ERC2: variants seen among roughly 807,000 people sequenced by gnomAD.
ERC2 encodes the protein ERC protein 2.
A neutral mutation model predicts 114.8 loss-of-function variants in ERC2; 42 were observed. The observed-to-expected ratio is 0.37, with a 90% CI of 0.29 to 0.47. The LOEUF is 0.47. Ranked by LOEUF, ERC2 falls within the 20% of genes least tolerant of loss-of-function variation. The pLI is 0.99. For synonymous variants in ERC2, 454 were observed against 425.5 expected (o/e 1.07, Z -0.82); for missense variants, 939 against 1,150.7 (o/e 0.82, Z 2.66).
intron 7 of ERC2, among the ~76,000 whole-genome samples, chr3:56,034,365 C>G (rs998616609): frequency 1.3e-5 from 2 of 151,924 alleles, no homozygotes; most frequent in African/African-American, 4.8e-5. Context: ...AAGGTAGAAA[C>G]AGACAGCAAT....
chr3:56,230,109 G>T (rs867578451), intron 3 of ERC2, among the ~76,000 whole-genome samples: 7 of 151,856 alleles, frequency 4.6e-5, no homozygotes, highest in Non-Finnish European at 8.8e-5. Context: ...CAGATAATCC[G>T]CCAGCCTCGG....
At chr3:56,285,129 CT>C (rs1190646994) in intron 3 of ERC2, among the ~76,000 whole-genome samples, 2 of 140,878 alleles carry the variant, frequency 1.4e-5, no homozygotes, top group Non-Finnish European at 3.1e-5. Flanking sequence ...AGCACATCTG[CT>C]TTCTAGTTAA....
At chr3:56,291,200 T>A (rs369020853) in intron 3 of ERC2, among the ~76,000 whole-genome samples, 16 of 152,358 alleles carry the variant, frequency 1.1e-4, no homozygotes, top group Non-Finnish European at 2.1e-4. Flanking sequence ...TGGAACAATA[T>A]GTTCTTTGCA....
chr3:56,433,064 G>A (rs2061861516), intron 2 of ERC2, among the ~76,000 whole-genome samples: 1 of 151,968 alleles, frequency 6.6e-6, no homozygotes, highest in Non-Finnish European at 1.5e-5. Context: ...CGTAGTCCCA[G>A]CTACTCAGAA....
intron 14 of ERC2, among the ~76,000 whole-genome samples, chr3:55,871,521 T>C (rs1301844290): frequency 6.6e-6 from 1 of 152,008 alleles, no homozygotes; most frequent in Non-Finnish European, 1.5e-5. Flanking sequence ...ATGTGACCAA[T>C]GATCAGTTCA....
chr3:55,722,490 C>T (rs2064631241), intron 15 of ERC2, among the ~76,000 whole-genome samples: 1 of 152,168 alleles, frequency 6.6e-6, no homozygotes, highest in Admixed American at 6.5e-5. Flanking sequence ...AATCAGCTCC[C>T]CAAATCCCTC....
chr3:55,960,653 T>C (rs183031764), intron 12 of ERC2, among the ~76,000 whole-genome samples: 2 of 152,308 alleles, frequency 1.3e-5, no homozygotes, highest in Non-Finnish European at 2.9e-5. Context: ...GGATATTCAC[T>C]GGAGTGAAGT....
At chr3:56,461,568 T>C (rs904469850) in intron 1 of ERC2, among the ~76,000 whole-genome samples, 1 of 152,198 alleles carries the variant, frequency 6.6e-6, no homozygotes, top group Non-Finnish European at 1.5e-5. Flanking sequence ...AAAGTGGCTA[T>C]GGGGAACATT....
At chr3:56,178,475 A>C (rs1212073973) in intron 3 of ERC2, among the ~76,000 whole-genome samples, 1 of 152,088 alleles carries the variant, frequency 6.6e-6, no homozygotes, top group African/African-American at 2.4e-5. Flanking sequence ...CTATAGCACC[A>C]CTTCTGTCAT....
intron 6 of ERC2, among the ~76,000 whole-genome samples, chr3:56,115,850 A>AC (rs2079200607): frequency 6.6e-6 from 1 of 151,806 alleles, no homozygotes. Flanking sequence ...CCCTCACCCT[A>AC]CCACCTCCTG....
intron 15 of ERC2, among the ~76,000 whole-genome samples, chr3:55,725,650 T>G (rs2064866448): frequency 6.6e-6 from 1 of 152,208 alleles, no homozygotes; most frequent in Non-Finnish European, 1.5e-5. Context: ...AAGTGCTCCA[T>G]GCATGTTTAG....
At chr3:56,013,883 T>A (rs190697504) in intron 8 of ERC2, among the ~76,000 whole-genome samples, 2 of 152,280 alleles carry the variant, frequency 1.3e-5, no homozygotes, top group African/African-American at 4.8e-5. Context: ...ACCTCCTAGA[T>A]GATAAGATTA....
chr3:55,935,296 C>T lies in ERC2; in HGVS notation c.2403+15129G>A, dbSNP rs571673852. Among the ~76,000 whole-genome samples the T allele has an allele frequency of 8.5e-5, 13 of 152,286 alleles. No homozygotes were observed. The South Asian group carries it at 2.7e-3, about 32-fold the overall frequency. Reference sequence around the variant, plus strand: ...TAGTCGCCATGCTGGGAAGTGAATACCAGTTCCACGGGGTGATAGCTGAGA... The same window carrying T: ...TAGTCGCCATGCTGGGAAGTGAATATCAGTTCCACGGGGTGATAGCTGAGA... On this transcript the variant is annotated intron_variant, in intron 13 of 17. Coordinates refer to ENST00000288221, the MANE Select transcript of ERC2 (RefSeq NM_015576.3).
chr3:55,646,626 A>G (rs2060410894), intron 17 of ERC2, among the ~76,000 whole-genome samples: 1 of 152,198 alleles, frequency 6.6e-6, no homozygotes, highest in Non-Finnish European at 1.5e-5. Flanking sequence ...GGCATTTTGT[A>G]TGCACAATCT....
At chr3:56,317,651 T>C (rs2056930170) in intron 2 of ERC2, among the ~76,000 whole-genome samples, 1 of 152,214 alleles carries the variant, frequency 6.6e-6, no homozygotes, top group Non-Finnish European at 1.5e-5. Context: ...AAAATATTTA[T>C]TGAACACCCC....
At chr3:56,275,764 T>C (rs1224551245) in intron 3 of ERC2, among the ~76,000 whole-genome samples, 2 of 152,208 alleles carry the variant, frequency 1.3e-5, no homozygotes, top group African/African-American at 4.8e-5. Context: ...CAGTGGTTTT[T>C]CAACAGGGGA....
At chr3:55,860,508 C>T (rs1272926415) in intron 14 of ERC2, among the ~76,000 whole-genome samples, 3 of 151,986 alleles carry the variant, frequency 2.0e-5, no homozygotes, top group Non-Finnish European at 2.9e-5. Context: ...ATGTTTTGAT[C>T]GCCCCAAAGC....
chr3:55,952,861 A>G (rs1345432679), intron 12 of ERC2, among the ~76,000 whole-genome samples: 2 of 152,162 alleles, frequency 1.3e-5, no homozygotes, highest in African/African-American at 4.8e-5. Flanking sequence ...AAAAAAGCAT[A>G]TTCTAAACCC....
intron 17 of ERC2, among the ~76,000 whole-genome samples, chr3:55,631,761 T>C (rs358914): frequency 0.57 from 86,709 of 151,676 alleles, 25,812 homozygotes; most frequent in Non-Finnish European, 0.66. Flanking sequence ...TGGGGATTTT[T>C]ATCACTCTCA....
Sources: allele counts gnomAD v4.1 joint callset (sites outside exome capture counted in the v4.1 genomes callset), GRCh38; gene constraint gnomAD v4.1.1; transcripts MANE v1.5; gene names NCBI Gene and HGNC (gene_info 2026-07-23, HGNC 2026-07-21).